The following DAB1 variants were observed in gnomAD, a reference collection of about 807,000 sequenced individuals.
DAB1 encodes the protein disabled homolog 1.
DAB1 carries 15 observed loss-of-function variants against 64.6 expected under a neutral mutation model. That is an observed-to-expected ratio of 0.23 (90% CI 0.16 to 0.36). The LOEUF (loss-of-function observed/expected upper bound fraction) is 0.36. DAB1 is among the 10% of genes least tolerant of loss of function. The pLI is 1.00. For missense variants in DAB1, 596 were observed against 706.7 expected (o/e 0.84, Z 1.78); for synonymous variants, 235 against 251.9 (o/e 0.93, Z 0.64).
chr1:57,492,734 T>C (rs1379628970), intron 7 of DAB1, among the ~76,000 whole-genome samples: 2 of 152,184 alleles, frequency 1.3e-5, no homozygotes, highest in Non-Finnish European at 2.9e-5. Context: ...TTTAACTCTC[T>C]GAGAGGAATA....
intron 1 of DAB1, chr1:58,536,860 G>A (rs950048637): frequency 1.4e-5 from 9 of 638,196 alleles, no homozygotes; most frequent in Admixed American, 2.7e-5. Context: ...GATGTATTTC[G>A]CTGAATACAT....
chr1:57,837,676 A>G (rs1305254880), intron 1 of DAB1, among the ~76,000 whole-genome samples: 4 of 152,052 alleles, frequency 2.6e-5, no homozygotes, highest in African/African-American at 9.7e-5. Context: ...TTCTGGCTTC[A>G]TCTCTTGCTG....
At chr1:58,436,127 T>C (rs1644941799) in intron 3 of DAB1, among the ~76,000 whole-genome samples, 1 of 152,238 alleles carries the variant, frequency 6.6e-6, no homozygotes, top group African/African-American at 2.4e-5. Context: ...CAGATCTTTA[T>C]CTTGGCTCTG....
intron 1 of DAB1, among the ~76,000 whole-genome samples, chr1:58,535,465 G>A (rs540657885): frequency 2.2e-4 from 34 of 151,706 alleles, no homozygotes; most frequent in South Asian, 6.2e-4. Context: ...GCGTGGTGGC[G>A]CACGCCTGTA....
At chr1:58,520,753 G>T (rs561450743) in intron 2 of DAB1, among the ~76,000 whole-genome samples, 4 of 152,110 alleles carry the variant, frequency 2.6e-5, no homozygotes, top group Admixed American at 2.6e-4. Context: ...CAATCCACTA[G>T]GAAAATCTAA....
intron 4 of DAB1, among the ~76,000 whole-genome samples, chr1:57,132,655 T>C (rs1309925669): frequency 6.6e-6 from 1 of 152,114 alleles, no homozygotes; most frequent in Non-Finnish European, 1.5e-5. Flanking sequence ...TCTGAAAAAC[T>C]CTAAAATTTG....
intron 5 of DAB1, among the ~76,000 whole-genome samples, chr1:58,134,669 C>A (rs79283329): frequency 6.6e-6 from 1 of 151,952 alleles, no homozygotes; most frequent in Admixed American, 6.6e-5. Flanking sequence ...GTGAAGGGGA[C>A]GGTGATACAC....
At chr1:57,939,120 C>T (rs1442862993) in intron 5 of DAB1, among the ~76,000 whole-genome samples, 1 of 152,054 alleles carries the variant, frequency 6.6e-6, no homozygotes, top group Non-Finnish European at 1.5e-5. Context: ...AGCATGGCCA[C>T]GTTCTTGGTG....
intron 4 of DAB1, among the ~76,000 whole-genome samples, chr1:57,104,536 T>C (rs1051785680): frequency 1.3e-5 from 2 of 152,248 alleles, no homozygotes; most frequent in African/African-American, 4.8e-5. Flanking sequence ...GTTATTTTAA[T>C]CTATGCCCTA....
intron 3 of DAB1, among the ~76,000 whole-genome samples, chr1:58,426,576 A>G (rs1644823598): frequency 6.6e-6 from 1 of 152,184 alleles, no homozygotes; most frequent in Admixed American, 6.5e-5. Context: ...CACAATCCAG[A>G]AAGGGCTACT....
intron 6 of DAB1, among the ~76,000 whole-genome samples, chr1:57,696,201 T>C (rs1646843203): frequency 6.6e-6 from 1 of 152,174 alleles, no homozygotes. Context: ...CCTTATCTTT[T>C]GCATTGTTGA....
intron 2 of DAB1, among the ~76,000 whole-genome samples, chr1:57,268,931 A>T (rs1670783109): frequency 6.6e-6 from 1 of 152,168 alleles, no homozygotes; most frequent in Admixed American, 6.5e-5. Context: ...TAGCAAGAGC[A>T]GGAAGGTGCT....
At chr1:57,658,845 C>T (rs545329573) in intron 6 of DAB1, among the ~76,000 whole-genome samples, 2 of 152,202 alleles carry the variant, frequency 1.3e-5, no homozygotes, top group African/African-American at 4.8e-5. Flanking sequence ...GGATTACAGG[C>T]GTGTGCCCCT....
chr1:57,870,745 T>C (rs1184588551), intron 1 of DAB1, among the ~76,000 whole-genome samples: 1 of 152,124 alleles, frequency 6.6e-6, no homozygotes, highest in African/African-American at 2.4e-5. Flanking sequence ...CAAAATTTAC[T>C]ATAATCTGGA....
intron 7 of DAB1, among the ~76,000 whole-genome samples, chr1:57,472,978 A>C (rs1166388945): frequency 6.6e-6 from 1 of 152,204 alleles, no homozygotes; most frequent in African/African-American, 2.4e-5. Context: ...TATTTAGTGC[A>C]TGGAGTAGGA....
chr1:57,101,395 A>G (rs1187007010), intron 4 of DAB1, among the ~76,000 whole-genome samples: 3 of 152,218 alleles, frequency 2.0e-5, no homozygotes, highest in African/African-American at 7.2e-5. Context: ...ATCCTGTTAA[A>G]TGTGTGAGTT....
chr1:57,863,633 C>T (rs1356802284), intron 1 of DAB1, among the ~76,000 whole-genome samples: 1 of 152,088 alleles, frequency 6.6e-6, no homozygotes, highest in Non-Finnish European at 1.5e-5. Context: ...CAGGGCCCAC[C>T]ACCCAATCTG....
chr1:58,196,235 C>A (rs1657670330), intron 4 of DAB1, among the ~76,000 whole-genome samples: 1 of 152,136 alleles, frequency 6.6e-6, no homozygotes, highest in Non-Finnish European at 1.5e-5. Flanking sequence ...GAAAAGGCAG[C>A]CTTGTGTGTT....
chr1:58,236,771 T>C (rs1021628727), intron 4 of DAB1, among the ~76,000 whole-genome samples: 5 of 152,200 alleles, frequency 3.3e-5, no homozygotes, highest in African/African-American at 9.6e-5. Flanking sequence ...CAAATGTCAA[T>C]GCTATAGTTC....
Sources: allele counts gnomAD v4.1 joint callset (sites outside exome capture counted in the v4.1 genomes callset), GRCh38; gene constraint gnomAD v4.1.1; transcripts MANE v1.5; gene names NCBI Gene and HGNC (gene_info 2026-07-23, HGNC 2026-07-21).